ZZEF1: variants seen among roughly 807,000 people sequenced by gnomAD.
ZZEF1 encodes zinc finger ZZ-type and EF-hand domain-containing protein 1.
ZZEF1 carries 157 observed loss-of-function variants against 342.8 expected under a neutral mutation model. That is an observed-to-expected ratio of 0.46 (90% CI 0.40 to 0.52). ZZEF1 has a LOEUF of 0.52. Ranked by LOEUF, ZZEF1 falls within the 20% of genes least tolerant of loss-of-function variation. ZZEF1 has a pLI of 0.00. For synonymous variants in ZZEF1, 1,505 were observed against 1,429.1 expected, an observed-to-expected ratio of 1.05 and a Z score of -1.20; for missense variants, 3,480 against 3,725.6, an observed-to-expected ratio of 0.93 and a Z score of 1.72.
At chr17:4,015,365 C>T (rs576151529) in intron 49 of ZZEF1, among the ~76,000 whole-genome samples, 2 of 152,250 alleles carry the variant, frequency 1.3e-5, no homozygotes, top group Non-Finnish European at 2.9e-5. Flanking sequence ...TAACCCAGTT[C>T]TAAATCGGTT....
In ZZEF1 at chr17:4,058,110, AT is replaced by A; in HGVS notation, c.5048del (p.His1683LeufsTer25). ...TGGGTTCCCAGCCCATATCCAAAAG[AT>A]GAAGCAGGGCTGTCTGAACACAGGA... ...ALSCVQTALLHLLDMGWEPND... is the reference protein window; with the variant it reads ...ALSCVQTALLXLLDMGWEPND... On this transcript the variant is annotated frameshift_variant, in exon 32 of 55. Coordinates refer to ENST00000381638, the MANE Select transcript of ZZEF1 (RefSeq NM_015113.4). LOFTEE classifies it high-confidence loss of function. 1 of 1,614,112 alleles carries A rather than the reference AT, an allele frequency of 6.2e-7. No homozygotes were observed. The highest frequency in any genetic ancestry group is 8.5e-7 in the Non-Finnish European group (1 of 1,179,956).
chr17:4,031,151 C>T (rs187026355), intron 42 of ZZEF1, among the ~76,000 whole-genome samples: 31 of 152,070 alleles, frequency 2.0e-4, no homozygotes, highest in East Asian at 1.9e-3. Flanking sequence ...CTCATCTCTA[C>T]TAAAAATACA....
chr17:4,029,874 C>CAAAA (rs58293642), intron 42 of ZZEF1, among the ~76,000 whole-genome samples: 22 of 82,162 alleles, frequency 2.7e-4, no homozygotes, highest in African/African-American at 3.5e-4. Context: ...AACTCCATCT[C>CAAAA]AAAAAAAAAA....
intron 39 of ZZEF1, among the ~76,000 whole-genome samples, chr17:4,035,521 G>A (rs1157842825): frequency 6.6e-6 from 1 of 152,168 alleles, no homozygotes; most frequent in Non-Finnish European, 1.5e-5. Flanking sequence ...AGGAGTCAGA[G>A]CACAGGTGGC....
chr17:4,048,549 C>G (rs1286779067), intron 37 of ZZEF1, among the ~76,000 whole-genome samples: 1 of 152,184 alleles, frequency 6.6e-6, no homozygotes, highest in Non-Finnish European at 1.5e-5. Flanking sequence ...TTTAGTGCCA[C>G]TATCACAGGT....
At chr17:4,011,703 T>TA (rs936102417) in intron 52 of ZZEF1, among the ~76,000 whole-genome samples, 1 of 151,916 alleles carries the variant, frequency 6.6e-6, no homozygotes, top group Admixed American at 6.5e-5. Context: ...TGCTTTTTTT[T>TA]AAAAAAAATT....
At position 4,105,679 on chromosome 17, in the gene ZZEF1, A is replaced by G. The variant is rs747267804; in HGVS notation, c.1394+14T>C. On this transcript the variant is annotated intron_variant, in intron 7 of 54. Transcript: ENST00000381638. ...ATTCCTCACAGAGTTTACCCTCATC[A>G]GCCTTGATTTTACCTAGTTATCCTT... is the stretch of plus-strand genomic sequence containing the variant. The G allele has an allele frequency of 6.3e-6, 10 of 1,585,830 alleles. No homozygotes were observed. The highest frequency in any genetic ancestry group is 3.4e-5 in the Admixed American group (2 of 59,552).
intron 23 of ZZEF1, 135 bp downstream of exon 23, chr17:4,074,962 A>G: frequency 3.2e-6 from 3 of 944,152 alleles, no homozygotes; most frequent in Non-Finnish European, 4.8e-6. Flanking sequence ...AAACTCTGAT[A>G]TAAATCCTTC....
At position 4,005,783 on chromosome 17, in the gene ZZEF1, A is replaced by G. The variant is rs937500001; in HGVS notation, c.*1107T>C. 6.6e-6 allele frequency: 1 copy of G among 152,116 alleles called. No homozygotes were observed. Among genetic ancestry groups the G allele is most frequent in the Non-Finnish European group, 1.5e-5 (1 of 68,080 alleles). The allele number at this position is 152,116 out of a possible 1,614,324, so 9.4% of individuals were successfully genotyped here. A position where few individuals can be genotyped will look rare whatever the true frequency, so the allele number is the denominator to read the frequency against. ...GCCCCTAAAGGCATGCTCCAACCCC[A>G]CGGGTCCCACTAAGGCCGGCACGCA... On this transcript the variant is annotated 3_prime_UTR_variant, in exon 55 of 55. Coordinates refer to ENST00000381638, the MANE Select transcript of ZZEF1 (RefSeq NM_015113.4).
chr17:4,084,651 T>C (rs1408156114), intron 16 of ZZEF1, among the ~76,000 whole-genome samples: 2 of 152,364 alleles, frequency 1.3e-5, no homozygotes, highest in East Asian at 3.9e-4. Context: ...CTCATTTTCA[T>C]ACAGAAATAC....
At chr17:4,120,772 A>G (rs560436651) in intron 2 of ZZEF1, among the ~76,000 whole-genome samples, 40 of 152,322 alleles carry the variant, frequency 2.6e-4, no homozygotes, top group African/African-American at 9.6e-4. Context: ...AAAACGTTGT[A>G]TCTATGTTAA....
At chr17:4,078,146 T>C in intron 18 of ZZEF1, 104 bp from the exon 19 acceptor site, 4 of 1,212,432 alleles carry the variant, frequency 3.3e-6, no homozygotes, top group Non-Finnish European at 4.5e-6. Context: ...AAAAACAAAC[T>C]ATAGCCACGG....
At chr17:4,111,843 G>T (rs1003533917) in intron 5 of ZZEF1, among the ~76,000 whole-genome samples, 2 of 145,434 alleles carry the variant, frequency 1.4e-5, no homozygotes, top group Admixed American at 1.4e-4. Context: ...AGATCAACCT[G>T]GGCAACACAG....
chr17:4,076,187 A>G (rs1268381174), intron 21 of ZZEF1: 1 of 133,538 alleles, frequency 7.5e-6, no homozygotes, highest in Non-Finnish European at 1.5e-5. Context: ...GCGGGAGTGC[A>G]GTGGCGCAAT....
chr17:4,099,849 C>G (rs2058097408), intron 9 of ZZEF1, among the ~76,000 whole-genome samples: 1 of 151,914 alleles, frequency 6.6e-6, no homozygotes, highest in African/African-American at 2.4e-5. Flanking sequence ...CCCAGCTGAA[C>G]TGTGATATTT....
chr17:4,019,557 G>C (rs760399479), intron 46 of ZZEF1, 112 bp downstream of exon 46: 3 of 942,118 alleles, frequency 3.2e-6, no homozygotes, highest in Non-Finnish European at 4.9e-6. Flanking sequence ...ACTGCTTCCC[G>C]GCCTGTCGGA....
chr17:4,022,700 G>C lies in ZZEF1; in HGVS notation c.7212+9C>G, dbSNP rs758670559. 3 of 1,613,660 alleles carry C rather than the reference G, an allele frequency of 1.9e-6. No individual in the cohort carries two copies. The highest frequency in any genetic ancestry group is 2.5e-6 in the Non-Finnish European group (3 of 1,179,974). On this transcript the variant is annotated intron_variant, in intron 44 of 54. Transcript: ENST00000381638. ...GGAAAGAGGAGCAGGAGTCCCTCTC[G>C]TCTCTTACTTCCAGGTCCCGGAGGA...
intron 26 of ZZEF1, among the ~76,000 whole-genome samples, chr17:4,070,192 G>A (rs1305040425): frequency 6.6e-6 from 1 of 152,236 alleles, no homozygotes; most frequent in Non-Finnish European, 1.5e-5. Context: ...AAAGGTAATA[G>A]TTAATACCTA....
At chr17:4,032,749 C>A in intron 41 of ZZEF1, 79 bp downstream of exon 41, 1 of 1,473,672 alleles carries the variant, frequency 6.8e-7, no homozygotes. Flanking sequence ...CCTATATATC[C>A]GGAAGCCACA....
Sources: allele counts gnomAD v4.1 joint callset (sites outside exome capture counted in the v4.1 genomes callset), GRCh38; gene constraint gnomAD v4.1.1; transcripts MANE v1.5; gene names NCBI Gene and HGNC (gene_info 2026-07-23, HGNC 2026-07-21).